The following ARMC8 variants were observed in gnomAD, a reference collection of about 807,000 sequenced individuals.
ARMC8 encodes armadillo repeat containing 8.
ARMC8 carries 20 observed loss-of-function variants against 99.3 expected under a neutral mutation model. That is an observed-to-expected ratio of 0.20 (90% CI 0.14 to 0.29). The LOEUF (loss-of-function observed/expected upper bound fraction) is 0.29. Among genes scored for constraint, ARMC8 ranks in the 10% least tolerant of loss-of-function variants. The probability of loss-of-function intolerance (pLI) is 1.00; values close to 1 mark genes in which losing one functional copy is unlikely to be tolerated. For synonymous variants in ARMC8, 263 were observed against 278.3 expected, an observed-to-expected ratio of 0.95 and a Z score of 0.55; for missense variants, 569 against 809.5, an observed-to-expected ratio of 0.70 and a Z score of 3.60.
intron 18 of ARMC8, among the ~76,000 whole-genome samples, chr3:138,279,968 A>T (rs984097829): frequency 7.3e-4 from 110 of 150,376 alleles, no homozygotes; most frequent in African/African-American, 2.6e-3. Flanking sequence ...GCAGTGGCTG[A>T]TCTCGGCTCA....
At position 138,190,966 on chromosome 3, in the gene ARMC8, A is replaced by G. The variant is rs146414010; in HGVS notation, c.45+3367A>G. Among the ~76,000 whole-genome samples the G allele has an allele frequency of 2.0e-5, 3 of 152,342 alleles. No homozygotes were observed. In the South Asian group the frequency reaches 6.2e-4, roughly 32 times the overall value. ...GGAAACTGATCTAATATGGAGGGCA[A>G]TAGGAAGAACTAGGGAAGGTTTCCC... On this transcript the variant is annotated intron_variant, in intron 1 of 21. Transcript: ENST00000469044.
chr3:138,282,800 A>G (rs2108352374), intron 18 of ARMC8, among the ~76,000 whole-genome samples: 1 of 152,178 alleles, frequency 6.6e-6, no homozygotes, highest in East Asian at 1.9e-4. Flanking sequence ...CCCCAAACTA[A>G]TTACTCCTGT....
intron 2 of ARMC8, among the ~76,000 whole-genome samples, chr3:138,210,648 A>T (rs1307292286): frequency 1.3e-5 from 2 of 152,138 alleles, no homozygotes; most frequent in East Asian, 3.9e-4. Context: ...GTCAAGATAC[A>T]TTTGGGTAAT....
chr3:138,290,327 A>T (rs2050817461), intron 20 of ARMC8, among the ~76,000 whole-genome samples: 1 of 152,140 alleles, frequency 6.6e-6, no homozygotes, highest in Non-Finnish European at 1.5e-5. Context: ...CCCAGGATAG[A>T]CTGCAGGCAG....
intron 12 of ARMC8, among the ~76,000 whole-genome samples, chr3:138,256,158 A>G (rs1308814466): frequency 6.6e-6 from 1 of 152,242 alleles, no homozygotes; most frequent in Non-Finnish European, 1.5e-5. Context: ...GGCTAAGGAC[A>G]GTAGAATGTT....
rs145775134 is a variant in ARMC8 at position 138,209,953 on chromosome 3, C to G, written c.122+60C>G. 2.3e-4 allele frequency: 297 copies of G among 1,313,586 alleles called. 5 individuals are homozygous for G. In the East Asian group the frequency reaches 6.9e-3, roughly 30 times the overall value. The allele number at this position is 1,313,586 out of a possible 1,614,324, so 81.4% of individuals were successfully genotyped here. A position where few individuals can be genotyped will look rare whatever the true frequency, so the allele number is the denominator to read the frequency against. On this transcript the variant is annotated intron_variant, in intron 2 of 21. Transcript: ENST00000469044. Reference sequence around the variant, plus strand: ...TTGTTTGTTTTCATGTTTTAATCTGCCACATATTTTAATTTTGAAAATACA... The same window carrying G: ...TTGTTTGTTTTCATGTTTTAATCTGGCACATATTTTAATTTTGAAAATACA...
intron 1 of ARMC8, among the ~76,000 whole-genome samples, chr3:138,194,046 C>CT (rs755827729): frequency 0.18 from 26,183 of 142,276 alleles, 2,949 homozygotes; most frequent in Non-Finnish European, 0.26. Flanking sequence ...GGCATTACGT[C>CT]TTTTTTTTTT....
intron 11 of ARMC8, 53 bp downstream of exon 11, chr3:138,242,036 C>CTT: frequency 6.7e-7 from 1 of 1,503,648 alleles, no homozygotes; most frequent in South Asian, 1.1e-5. Context: ...TAAAGTTTTT[C>CTT]TTACTGTTCA....
chr3:138,271,783 AT>A (rs953322477), intron 16 of ARMC8, among the ~76,000 whole-genome samples: 48 of 140,182 alleles, frequency 3.4e-4, no homozygotes, highest in Non-Finnish European at 6.0e-4. Context: ...AGTTCACAAG[AT>A]TTTTTTTTTC....
At position 138,187,341 on chromosome 3, in the gene ARMC8, T is replaced by C; in HGVS notation, c.-214T>C. The C allele has an allele frequency of 1.9e-6, 1 of 528,086 alleles. No homozygotes were observed. Among genetic ancestry groups the C allele is most frequent in the East Asian group, 3.2e-5 (1 of 30,936 alleles). 32.7% of individuals were successfully genotyped at this position (528,086 alleles called of 1,614,324 possible). A position where few individuals can be genotyped will look rare whatever the true frequency, so the allele number is the denominator to read the frequency against. On this transcript the variant is annotated 5_prime_UTR_variant, in exon 1 of 22. Coordinates refer to ENST00000469044, the MANE Select transcript of ARMC8 (RefSeq NM_001363941.2). ...CCAGGCTCAGAGTAGCTGCTGTTTC[T>C]GAGAGAACGATTCGTAGGACAGCCC...
Position 138,256,781 on chromosome 3 carries a change from C to T in ARMC8, c.1135-6958C>T, listed in dbSNP as rs1195513302. On this transcript the variant is annotated intron_variant, in intron 12 of 21. Coordinates refer to ENST00000469044, the MANE Select transcript of ARMC8 (RefSeq NM_001363941.2). ...AGTATAGTATACTAATCTTTATTGGCCCAAGATATCAATATATAGTCTGTG... is the reference window on the plus strand; with the variant it reads ...AGTATAGTATACTAATCTTTATTGGTCCAAGATATCAATATATAGTCTGTG... 2.0e-5 allele frequency among the ~76,000 whole-genome samples: 3 copies of T among 152,052 alleles called. No individual in the cohort carries two copies. The South Asian group carries it at 6.2e-4, about 32-fold the overall frequency.
chr3:138,212,982 C>T (rs1001605811), intron 2 of ARMC8, among the ~76,000 whole-genome samples: 1 of 152,122 alleles, frequency 6.6e-6, no homozygotes, highest in Non-Finnish European at 1.5e-5. Flanking sequence ...ATGTTGTGAA[C>T]ATATACGAGG....
intron 1 of ARMC8, among the ~76,000 whole-genome samples, chr3:138,204,451 C>G (rs2044250873): frequency 6.6e-6 from 1 of 152,182 alleles, no homozygotes. Context: ...TAGACTCTCT[C>G]CTGAGTCTAC....
At position 138,270,152 on chromosome 3, in the gene ARMC8, A is replaced by G. The variant is rs756773364; in HGVS notation, c.1479+20A>G. ...TTAATGGTACGTTTCACTTTTATAT[A>G]TATCATAACTTACAAAAGGAATACA... On this transcript the variant is annotated intron_variant, in intron 16 of 21. Transcript: ENST00000469044. 3.6e-5 allele frequency: 54 copies of G among 1,509,014 alleles called. No individual in the cohort carries two copies. The highest frequency in any genetic ancestry group is 4.6e-5 in the Non-Finnish European group (50 of 1,085,340). The allele number at this position is 1,509,014 out of a possible 1,614,324, so 93.5% of individuals were successfully genotyped here.
chr3:138,199,147 A>C lies in ARMC8; in HGVS notation c.46-10670A>C, dbSNP rs184963076. Among the ~76,000 whole-genome samples, 101 of 152,202 alleles carry C rather than the reference A, an allele frequency of 6.6e-4. 1 individual carries two copies. Among genetic ancestry groups the C allele is most frequent in the Middle Eastern group, 6.8e-3 (2 of 294 alleles). ...GTACAGAGCTTTGATTAATCTTGGG[A>C]GGGAGGATGCAGTGAAACTTGACGT... On this transcript the variant is annotated intron_variant, in intron 1 of 21. Coordinates refer to ENST00000469044, the MANE Select transcript of ARMC8 (RefSeq NM_001363941.2).
At chr3:138,247,348 G>A (rs1288355742) in intron 12 of ARMC8, among the ~76,000 whole-genome samples, 1 of 151,996 alleles carries the variant, frequency 6.6e-6, no homozygotes, top group Non-Finnish European at 1.5e-5. Flanking sequence ...TGGAATTTCA[G>A]TTAACTGAGT....
intron 5 of ARMC8, among the ~76,000 whole-genome samples, chr3:138,224,898 G>C (rs2045600866): frequency 6.6e-6 from 1 of 152,104 alleles, no homozygotes; most frequent in Non-Finnish European, 1.5e-5. Flanking sequence ...TTTTTAAAAA[G>C]ACCCATTTTT....
At chr3:138,278,061 T>C (rs953148957) in intron 18 of ARMC8, among the ~76,000 whole-genome samples, 2 of 151,952 alleles carry the variant, frequency 1.3e-5, no homozygotes, top group Non-Finnish European at 2.9e-5. Context: ...GACAAAACAG[T>C]AGAGACAGAG....
At chr3:138,246,302 T>C in intron 12 of ARMC8, 18 of 985,820 alleles carry the variant, frequency 1.8e-5, no homozygotes, top group Non-Finnish European at 2.2e-5. Flanking sequence ...GTTAACAAGA[T>C]ACTTTGACTT....
Sources: gnomAD v4.1 joint callset for allele counts (sites outside exome capture counted in the v4.1 genomes callset) on GRCh38, gnomAD v4.1.1 for gene constraint, MANE v1.5 for transcripts, NCBI Gene and HGNC (gene_info 2026-07-23, HGNC 2026-07-21) for gene names.